The following BAZ2B variants were observed in gnomAD, a reference collection of about 807,000 sequenced individuals.
BAZ2B encodes bromodomain adjacent to zinc finger domain protein 2B.
Under a neutral mutation model 246.0 loss-of-function variants are expected in BAZ2B, and 91 were observed. That is an observed-to-expected ratio of 0.37 (90% confidence interval 0.31 to 0.44). The LOEUF is 0.44. Among genes scored for constraint, BAZ2B ranks in the 20% least tolerant of loss-of-function variants. BAZ2B has a pLI of 1.00. For missense variants in BAZ2B, 2,332 were observed against 2,533.7 expected (o/e 0.92, Z 1.71); for synonymous variants, 855 against 860.0 (o/e 0.99, Z 0.10).
At chr2:159,408,174 C>G (rs2149844019) in intron 14 of BAZ2B, among the ~76,000 whole-genome samples, 2 of 152,242 alleles carry the variant, frequency 1.3e-5, no homozygotes, top group South Asian at 4.1e-4. Context: ...CACAAGTACA[C>G]AGTAATTTTT....
chr2:159,468,176 C>CT (rs1293828566), intron 3 of BAZ2B, among the ~76,000 whole-genome samples: 1 of 152,238 alleles, frequency 6.6e-6, no homozygotes, highest in East Asian at 1.9e-4. Flanking sequence ...AGCAGATCTG[C>CT]TGGGTTTGAT....
chr2:159,349,628 G>A (rs2149141232), intron 28 of BAZ2B, 80 bp downstream of exon 28: 10 of 1,380,302 alleles, frequency 7.2e-6, no homozygotes, highest in Non-Finnish European at 8.8e-6. Context: ...ATCTGAGTGA[G>A]CCCCCTTGAG....
chr2:159,430,954 T>C lies in BAZ2B; in HGVS notation c.2103A>G (p.Pro701=), dbSNP rs369553325. ...TPRNLHIAKA[P]GSAPAALCSE... is the part of the protein sequence containing the mutation. ...AACATAAGGCAGCAGGAGCAGAGCC[T>C]GGGGCTTTTGCTATGTGGAGGTTAC... The change falls in exon 10 of 37, where the codon CCA becomes CCG. Residue 701 remains proline (P), a synonymous_variant. Coordinates refer to ENST00000392783, the MANE Select transcript of BAZ2B (RefSeq NM_013450.4). 799 of 1,613,874 alleles carry C rather than the reference T, an allele frequency of 5.0e-4. No homozygotes were observed. The highest frequency in any genetic ancestry group is 6.2e-4 in the Non-Finnish European group (737 of 1,179,912).
intron 1 of BAZ2B, among the ~76,000 whole-genome samples, chr2:159,575,712 T>C (rs1685131014): frequency 1.3e-5 from 2 of 152,142 alleles, no homozygotes; most frequent in Admixed American, 1.3e-4. Context: ...ATTGGAATAA[T>C]AGGTCAAAAT....
At chr2:159,329,486 T>C (rs1337034074) in intron 34 of BAZ2B, among the ~76,000 whole-genome samples, 1 of 152,052 alleles carries the variant, frequency 6.6e-6, no homozygotes, top group Non-Finnish European at 1.5e-5. Flanking sequence ...CACAAACACA[T>C]ACACATCTTT....
chr2:159,703,277 A>G, the BAZ2B span, among the ~76,000 whole-genome samples: 3 of 149,898 alleles, frequency 2.0e-5, no homozygotes, highest in Non-Finnish European at 3.0e-5. Context: ...TTTTTTTAGT[A>G]GAGATAGGAT....
At chr2:159,668,948 C>T in the BAZ2B span, among the ~76,000 whole-genome samples, 1 of 151,776 alleles carries the variant, frequency 6.6e-6, no homozygotes, top group Non-Finnish European at 1.5e-5. Flanking sequence ...TCAGGCTACT[C>T]GGGAGGCTGA....
At chr2:159,684,090 G>C in the BAZ2B span, among the ~76,000 whole-genome samples, 1 of 152,162 alleles carries the variant, frequency 6.6e-6, no homozygotes, top group South Asian at 2.1e-4. Flanking sequence ...TTTTGAGTCT[G>C]GCTTCTGTCA....
At chr2:159,473,093 C>T (rs1299520564) in intron 3 of BAZ2B, among the ~76,000 whole-genome samples, 17 of 152,038 alleles carry the variant, frequency 1.1e-4, no homozygotes, top group South Asian at 2.1e-4. Context: ...TGGTAGAATT[C>T]GGCTGTGAAT....
At chr2:159,468,222 T>C (rs752407022) in intron 3 of BAZ2B, among the ~76,000 whole-genome samples, 2 of 152,088 alleles carry the variant, frequency 1.3e-5, no homozygotes, top group Non-Finnish European at 2.9e-5. Flanking sequence ...TCATCATGAT[T>C]ATCTCAGGCG....
chr2:159,580,745 G>T (rs1346518131), intron 1 of BAZ2B, among the ~76,000 whole-genome samples: 1 of 152,036 alleles, frequency 6.6e-6, no homozygotes, highest in Non-Finnish European at 1.5e-5. Flanking sequence ...CAGAACAGAG[G>T]CCTCAGAAAT....
intron 2 of BAZ2B, among the ~76,000 whole-genome samples, chr2:159,507,900 T>C (rs865977996): frequency 6.6e-6 from 1 of 152,142 alleles, no homozygotes; most frequent in Non-Finnish European, 1.5e-5. Flanking sequence ...ATTTAGAGTC[T>C]CCCTCTGTCG....
chr2:159,379,964 G>A (rs2061813035), intron 25 of BAZ2B, among the ~76,000 whole-genome samples: 2 of 151,806 alleles, frequency 1.3e-5, no homozygotes, highest in African/African-American at 4.8e-5. Context: ...TTTTATATGT[G>A]TCCATTTTCA....
At chr2:159,323,881 C>A (rs1045079580) in intron 36 of BAZ2B, among the ~76,000 whole-genome samples, 11 of 151,152 alleles carry the variant, frequency 7.3e-5, no homozygotes, top group African/African-American at 2.7e-4. Flanking sequence ...CAATCAGTAC[C>A]AATCAATCAT....
intron 2 of BAZ2B, among the ~76,000 whole-genome samples, chr2:159,481,485 A>C (rs2079223730): frequency 6.6e-6 from 1 of 151,658 alleles, no homozygotes; most frequent in Non-Finnish European, 1.5e-5. Flanking sequence ...TACTAAAAGC[A>C]GTGGGTCAAA....
intron 2 of BAZ2B, among the ~76,000 whole-genome samples, chr2:159,488,520 G>C (rs2080093551): frequency 6.6e-6 from 1 of 151,690 alleles, no homozygotes; most frequent in Non-Finnish European, 1.5e-5. Context: ...CACAACATTT[G>C]AAAATAAAAA....
At chr2:159,428,186 A>C in intron 12 of BAZ2B, 125 bp downstream of exon 12, 1 of 1,088,644 alleles carries the variant, frequency 9.2e-7, no homozygotes, top group Non-Finnish European at 1.3e-6. Context: ...GTTAAGTACA[A>C]TAGTCCCATA....
At chr2:159,681,882 G>C in the BAZ2B span, among the ~76,000 whole-genome samples, 1 of 152,246 alleles carries the variant, frequency 6.6e-6, no homozygotes, top group South Asian at 2.1e-4. Context: ...CTGAGATCAC[G>C]CCACTGCACT....
rs749950478 is a variant in BAZ2B, at chr2:159,490,699, A to T, written c.-2-11978T>A. Among the ~76,000 whole-genome samples, 595 of 148,410 alleles carry T rather than the reference A, an allele frequency of 4.0e-3. 1 individual carries two copies. Among genetic ancestry groups the T allele is most frequent in the Non-Finnish European group, 6.7e-3 (443 of 66,316 alleles). On this transcript the variant is annotated intron_variant, in intron 2 of 36. Coordinates refer to ENST00000392783, the MANE Select transcript of BAZ2B (RefSeq NM_013450.4). ...CAGCACACCTGGCTATTTTTTTTTT[A>T]TTTTTATTTTTGAAGAGATGGGATC... is the stretch of plus-strand genomic sequence containing the variant.
Sources: gnomAD v4.1 joint callset for allele counts (sites outside exome capture counted in the v4.1 genomes callset) on GRCh38, gnomAD v4.1.1 for gene constraint, MANE v1.5 for transcripts, NCBI Gene and HGNC (gene_info 2026-07-23, HGNC 2026-07-21) for gene names.